The following SCCPDH variants were observed in gnomAD, a reference collection of about 807,000 sequenced individuals.
The protein encoded by SCCPDH is saccharopine dehydrogenase-like oxidoreductase.
A neutral mutation model predicts 51.5 loss-of-function variants in SCCPDH; 34 were observed. That is an observed-to-expected ratio of 0.66 (90% CI 0.50 to 0.88). SCCPDH has a LOEUF of 0.88. Among genes scored for constraint, SCCPDH ranks in the 40% least tolerant of loss-of-function variants. SCCPDH has a pLI of 0.00. For synonymous variants in SCCPDH, 187 were observed against 191.3 expected, an observed-to-expected ratio of 0.98 and a Z score of 0.19; for missense variants, 464 against 527.1, an observed-to-expected ratio of 0.88 and a Z score of 1.17.
At chr1:246,729,383 C>T (rs1350838863) in intron 2 of SCCPDH, among the ~76,000 whole-genome samples, 4 of 150,796 alleles carry the variant, frequency 2.7e-5, no homozygotes, top group African/African-American at 9.7e-5. Flanking sequence ...AAGACAGACA[C>T]TCCCAGAGCG....
intron 5 of SCCPDH, among the ~76,000 whole-genome samples, chr1:246,754,080 G>A (rs1668894711): frequency 6.6e-6 from 1 of 151,902 alleles, no homozygotes. Context: ...TTAGAGATGT[G>A]TCTCCTATCC....
At chr1:246,749,039 AGGCC>A (rs1668811833) in intron 5 of SCCPDH, among the ~76,000 whole-genome samples, 1 of 152,206 alleles carries the variant, frequency 6.6e-6, no homozygotes, top group Non-Finnish European at 1.5e-5. Flanking sequence ...ATCAGGCTGG[AGGCC>A]ACATGGCCCT....
intron 2 of SCCPDH, among the ~76,000 whole-genome samples, chr1:246,728,496 C>T (rs1313920912): frequency 6.6e-6 from 1 of 152,168 alleles, no homozygotes; most frequent in East Asian, 1.9e-4. Flanking sequence ...AATGTATCCC[C>T]CTGCTAACTG....
chr1:246,758,152 A>G (rs1476101691), intron 5 of SCCPDH, 74 bp from the exon 6 acceptor site: 3 of 1,091,526 alleles, frequency 2.7e-6, no homozygotes, highest in Non-Finnish European at 3.9e-6. Context: ...GTTTGTAACA[A>G]TGATAAGTTA....
intron 3 of SCCPDH, among the ~76,000 whole-genome samples, chr1:246,736,891 C>T (rs1668600292): frequency 6.6e-6 from 1 of 152,034 alleles, no homozygotes; most frequent in Non-Finnish European, 1.5e-5. Flanking sequence ...TAGTTATCTT[C>T]CTCCATTTTT....
intron 2 of SCCPDH, among the ~76,000 whole-genome samples, chr1:246,728,241 T>C (rs1668432688): frequency 6.6e-6 from 1 of 152,228 alleles, no homozygotes; most frequent in Non-Finnish European, 1.5e-5. Flanking sequence ...AAAATATTAA[T>C]AATTTTTAAT....
chr1:246,726,979 C>T lies in SCCPDH; in HGVS notation c.278C>T (p.Thr93Ile), dbSNP rs368358543. The T allele has an allele frequency of 1.9e-6, 3 of 1,613,184 alleles. No homozygotes were observed. Among genetic ancestry groups the T allele is most frequent in the Non-Finnish European group, 2.5e-6 (3 of 1,179,208 alleles). Residue 93 changes from threonine (T) to isoleucine (I), a missense_variant, in exon 2 of 12, where the codon ACA (threonine) becomes ATA (isoleucine). Physicochemically the swap from Thr to Ile is moderately conservative, Grantham distance 89 (BLOSUM62 -1). Transcript: ENST00000366510. ...CTTGATGAAATGGCTAAACAGGCAA[C>T]AGTTGTCCTCAATTGCGTAGGACCA... ...ASLDEMAKQATVVLNCVGPYR... is the reference protein window; with the variant it reads ...ASLDEMAKQAIVVLNCVGPYR...
intron 3 of SCCPDH, among the ~76,000 whole-genome samples, chr1:246,737,695 G>A (rs957634529): frequency 6.6e-6 from 1 of 151,836 alleles, no homozygotes; most frequent in African/African-American, 2.4e-5. Context: ...GGGTTCAAGC[G>A]ATTCTCCTGC....
At chr1:246,730,360 C>G (rs1668475178) in intron 2 of SCCPDH, among the ~76,000 whole-genome samples, 1 of 152,222 alleles carries the variant, frequency 6.6e-6, no homozygotes, top group Admixed American at 6.5e-5. Context: ...CAGCTTCACC[C>G]TGGAAGTCCT....
Position 246,760,024 on chromosome 1 carries a change from T to A in SCCPDH, c.881T>A (p.Leu294His). Residue 294 changes from leucine to histidine, a missense_variant, in exon 8 of 12, where the codon CTT becomes CAT. Leu to His is a moderately conservative substitution (Grantham distance 99). Coordinates refer to ENST00000366510, the MANE Select transcript of SCCPDH (RefSeq NM_016002.3). The stretch of plus-strand genomic sequence containing the variant: ...GTTATTAAGCTGATGTTTGCAGGAC[T>A]TTTCTTTTTGTTCTTTGTGAGGTTT... ...TSVIKLMFAG[L>H]FFLFFVRFGI... 1 of 1,613,778 alleles carries A rather than the reference T, an allele frequency of 6.2e-7. No homozygotes were observed. Among genetic ancestry groups the A allele is most frequent in the Non-Finnish European group, 8.5e-7 (1 of 1,179,804 alleles).
In SCCPDH at chr1:246,766,140, G is replaced by A. The variant is rs1346495711; in HGVS notation, c.1184+1G>A. On this transcript the variant is annotated splice_donor_variant, in intron 11 of 11. Coordinates refer to ENST00000366510, the MANE Select transcript of SCCPDH (RefSeq NM_016002.3). LOFTEE classifies it high-confidence loss of function. ...GTGATGCTTCTCATCTGCCTAAGGC[G>A]TAAGTTTGGTTTTCTTCCAATTAGA... 3.7e-6 allele frequency: 6 copies of A among 1,601,008 alleles called. No homozygotes were observed. Among genetic ancestry groups the A allele is most frequent in the Non-Finnish European group, 5.1e-6 (6 of 1,170,868 alleles).
intron 1 of SCCPDH, among the ~76,000 whole-genome samples, chr1:246,726,455 C>G (rs1210060159): frequency 1.3e-5 from 2 of 151,046 alleles, no homozygotes; most frequent in African/African-American, 4.9e-5. Context: ...CCAAGCTGGT[C>G]TGGAACTCCT....
chr1:246,755,719 T>G (rs1668920212), intron 5 of SCCPDH: 1 of 152,598 alleles, frequency 6.6e-6, no homozygotes, highest in East Asian at 1.9e-4. Context: ...AAATCAAATC[T>G]CATTTTATGT....
chr1:246,755,711 A>C (rs1312298963), intron 5 of SCCPDH: 2 of 152,616 alleles, frequency 1.3e-5, no homozygotes, highest in Non-Finnish European at 2.9e-5. Flanking sequence ...TCCTGCCCAA[A>C]TCAAATCTCA....
At chr1:246,749,124 C>T (rs989315173) in intron 5 of SCCPDH, among the ~76,000 whole-genome samples, 2 of 152,158 alleles carry the variant, frequency 1.3e-5, no homozygotes, top group African/African-American at 2.4e-5. Flanking sequence ...CTCATCGCCT[C>T]GGCTGTAGGG....
In SCCPDH at chr1:246,736,067, A is replaced by T; in HGVS notation, c.384+12A>T. ...GTGGAGAACCTCAGGTATAAAAAATAAAAAGGAAAAACGTAGAATTAACAC... is the reference window on the plus strand; with the variant it reads ...GTGGAGAACCTCAGGTATAAAAAATTAAAAGGAAAAACGTAGAATTAACAC... On this transcript the variant is annotated intron_variant, in intron 3 of 11. Coordinates refer to ENST00000366510, the MANE Select transcript of SCCPDH (RefSeq NM_016002.3). The T allele has an allele frequency of 6.4e-7, 1 of 1,568,766 alleles. No individual in the cohort carries two copies. Among genetic ancestry groups the T allele is most frequent in the Non-Finnish European group, 8.7e-7 (1 of 1,144,920 alleles).
In SCCPDH at chr1:246,764,328, T is replaced by C; in HGVS notation, c.1073T>C (p.Ile358Thr). The part of the protein sequence containing the change: ...GTGTDKNKPN[I>T]KICTQVKGPE... ...GGTACAGATAAGAACAAACCAAATA[T>C]CAAAATTTGTACTCAGGTGAAAGGA... The change falls in exon 10 of 12, where the codon ATC (isoleucine) becomes ACC (threonine). Residue 358 changes from isoleucine (I) to threonine (T), a missense_variant. By Grantham distance (89) the Ile-to-Thr change is moderately conservative. Coordinates refer to ENST00000366510, the MANE Select transcript of SCCPDH (RefSeq NM_016002.3). The C allele has an allele frequency of 6.2e-7, 1 of 1,612,428 alleles. No individual in the cohort carries two copies.
At chr1:246,731,794 A>T (rs763602453) in intron 2 of SCCPDH, among the ~76,000 whole-genome samples, 2 of 152,172 alleles carry the variant, frequency 1.3e-5, no homozygotes, top group Non-Finnish European at 2.9e-5. Flanking sequence ...TACATGTGCC[A>T]TGCTGGCCTG....
chr1:246,730,196 C>G (rs951567188), intron 2 of SCCPDH, among the ~76,000 whole-genome samples: 1 of 152,098 alleles, frequency 6.6e-6, no homozygotes, highest in Non-Finnish European at 1.5e-5. Context: ...TTTTGTTTTC[C>G]TCCCTCCTCC....
Sources: allele counts gnomAD v4.1 joint callset (sites outside exome capture counted in the v4.1 genomes callset), GRCh38; gene constraint gnomAD v4.1.1; transcripts MANE v1.5; gene names NCBI Gene and HGNC (gene_info 2026-07-23, HGNC 2026-07-21).